Variants in POLD3 observed in about 807,000 individuals in gnomAD.
POLD3 encodes DNA polymerase delta subunit 3.
In POLD3, 19 loss-of-function variants were observed where a neutral mutation model predicts 58.2. That is an observed-to-expected ratio of 0.33 (90% confidence interval 0.23 to 0.48). The LOEUF (loss-of-function observed/expected upper bound fraction) is 0.48. Among genes scored for constraint, POLD3 ranks in the 20% least tolerant of loss-of-function variants. POLD3 has a pLI of 0.99. For synonymous variants in POLD3, 172 were observed against 193.5 expected (o/e 0.89, Z 0.92); for missense variants, 504 against 545.5 (o/e 0.92, Z 0.76).
chr11:74,667,002 A>G (rs77963675), intron 4 of POLD3, among the ~76,000 whole-genome samples: 4,239 of 151,756 alleles, frequency 0.028, 245 homozygotes, highest in African/African-American at 0.097. Context: ...TGGAGCATCA[A>G]TGGGGGAAAG....
chr11:74,622,455 C>T (rs535042376), intron 7 of POLD3, among the ~76,000 whole-genome samples: 8 of 152,040 alleles, frequency 5.3e-5, no homozygotes, highest in East Asian at 1.9e-4. Flanking sequence ...GCATGTAACA[C>T]GGTGAGGGGG....
At chr11:74,652,563 A>G (rs2135194162) in intron 4 of POLD3, 1 of 152,360 alleles carries the variant, frequency 6.6e-6, no homozygotes, top group East Asian at 1.9e-4. Context: ...GAATTGAGGA[A>G]GAAGATGAAG....
intron 11 of POLD3, among the ~76,000 whole-genome samples, chr11:74,636,569 A>C (rs745945405): frequency 6.6e-6 from 1 of 152,210 alleles, no homozygotes; most frequent in African/African-American, 2.4e-5. Context: ...TTTTGCCTAA[A>C]TGTGCAGTTA....
chr11:74,623,407 C>T (rs1297913155), intron 7 of POLD3, among the ~76,000 whole-genome samples: 1 of 152,136 alleles, frequency 6.6e-6, no homozygotes, highest in African/African-American at 2.4e-5. Flanking sequence ...CGCGCTCCAG[C>T]CTGGGCGACA....
At chr11:74,635,860 C>G (rs897797569) in intron 10 of POLD3, among the ~76,000 whole-genome samples, 3 of 152,228 alleles carry the variant, frequency 2.0e-5, no homozygotes, top group Non-Finnish European at 2.9e-5. Context: ...CTTTCCTTCT[C>G]TCTCTCCTCC....
At position 74,623,348 on chromosome 11, in the gene POLD3, T is replaced by C. The variant is rs373753087; in HGVS notation, c.734-2060T>C. Among the ~76,000 whole-genome samples the C allele has an allele frequency of 3.3e-5, 5 of 152,200 alleles. No homozygotes were observed. The East Asian group carries it at 9.7e-4, about 29-fold the overall frequency. On this transcript the variant is annotated intron_variant, in intron 7 of 11. Coordinates refer to ENST00000263681, the MANE Select transcript of POLD3 (RefSeq NM_006591.3). ...TACTCAGGAGGCTGAGGCAGGAGAA[T>C]GGCGTGAACCCAGGAGGCGGAGCTT...
intron 7 of POLD3, among the ~76,000 whole-genome samples, chr11:74,621,583 CAT>C (rs1390957800): frequency 2.2e-4 from 34 of 152,002 alleles, no homozygotes; most frequent in Admixed American, 2.0e-3. Flanking sequence ...TTATTTAAAT[CAT>C]GTGTTTAGTT....
In POLD3 at chr11:74,642,777, G is replaced by A; in HGVS notation, c.*2011G>A. 1.0e-6 allele frequency: 1 copy of A among 985,130 alleles called. No homozygotes were observed. Among genetic ancestry groups the A allele is most frequent in the Non-Finnish European group, 1.2e-6 (1 of 829,692 alleles). The allele number at this position is 985,130 out of a possible 1,614,324, so 61.0% of individuals were successfully genotyped here. On this transcript the variant is annotated 3_prime_UTR_variant, in exon 12 of 12. Transcript: ENST00000263681. ...GTCTCTTATTTGATGGATGGTAACA[G>A]TGTTGCAATTATTTAAGCTCTGAAT...
chr11:74,658,282 A>G (rs569250634), intron 4 of POLD3, among the ~76,000 whole-genome samples: 1 of 152,278 alleles, frequency 6.6e-6, no homozygotes, highest in East Asian at 1.9e-4. Context: ...AGCACAGGAA[A>G]GACTGGCCCC....
chr11:74,624,066 G>A (rs967437038), intron 7 of POLD3, among the ~76,000 whole-genome samples: 1 of 152,036 alleles, frequency 6.6e-6, no homozygotes, highest in African/African-American at 2.4e-5. Context: ...GTATTTGGAG[G>A]TTTTTTTCTC....
intron 2 of POLD3, chr11:74,595,639 C>T (rs1207355481): frequency 1.3e-5 from 2 of 152,182 alleles, no homozygotes; most frequent in African/African-American, 4.8e-5. Context: ...TTGTTTGAGA[C>T]AGGATGTCAC....
intron 7 of POLD3, 25 bp downstream of exon 7, chr11:74,620,114 G>C (rs1312673125): frequency 6.6e-7 from 1 of 1,515,452 alleles, no homozygotes; most frequent in African/African-American, 1.4e-5. Context: ...ACCTCACTTT[G>C]ACTAACGAAT....
chr11:74,630,818 T>C (rs2032568935), intron 9 of POLD3, among the ~76,000 whole-genome samples: 1 of 152,232 alleles, frequency 6.6e-6, no homozygotes, highest in East Asian at 1.9e-4. Context: ...CAGTTCTAAG[T>C]TAAGGAATGA....
Position 74,592,602 on chromosome 11 carries a change from G to C in POLD3, c.-57G>C, listed in dbSNP as rs2031066772. 1.2e-6 allele frequency: 2 copies of C among 1,605,186 alleles called. No homozygotes were observed. Among genetic ancestry groups the C allele is most frequent in the Non-Finnish European group, 1.7e-6 (2 of 1,174,246 alleles). ...GGAGCAAAGACGTTTCCCGCCGGCG[G>C]GAGCTGTGGCTGTGATTGAGAGAGG... On this transcript the variant is annotated 5_prime_UTR_variant, in exon 1 of 12. Coordinates refer to ENST00000263681, the MANE Select transcript of POLD3 (RefSeq NM_006591.3).
At chr11:74,640,463 G>A (rs1024615790) in intron 11 of POLD3, 101 bp from the exon 12 acceptor site, 1 of 1,380,430 alleles carries the variant, frequency 7.2e-7, no homozygotes. Flanking sequence ...TATTTGCCTT[G>A]ATCAGAGTCT....
chr11:74,597,071 A>G (rs898719200), intron 2 of POLD3, among the ~76,000 whole-genome samples: 4 of 152,222 alleles, frequency 2.6e-5, no homozygotes, highest in Non-Finnish European at 5.9e-5. Flanking sequence ...GAGTGCAAAT[A>G]TCTCTGACAT....
intron 4 of POLD3, among the ~76,000 whole-genome samples, chr11:74,655,526 TTATC>T (rs2033122974): frequency 6.6e-6 from 1 of 152,172 alleles, no homozygotes; most frequent in African/African-American, 2.4e-5. Context: ...TTGAAAAACT[TTATC>T]AATCAACTTG....
At chr11:74,645,302 T>C (rs893604084), downstream of POLD3, among the ~76,000 whole-genome samples, 1 of 152,240 alleles carries the variant, frequency 6.6e-6, no homozygotes, top group Non-Finnish European at 1.5e-5. Flanking sequence ...TAAACCATGA[T>C]TTAGTGAATC....
chr11:74,619,035 C>T (rs768377428), intron 6 of POLD3, among the ~76,000 whole-genome samples: 4 of 152,148 alleles, frequency 2.6e-5, no homozygotes, highest in Non-Finnish European at 5.9e-5. Flanking sequence ...ATGGTAATGC[C>T]TACCTTGTGC....
Sources: gnomAD v4.1 joint callset for allele counts (sites outside exome capture counted in the v4.1 genomes callset) on GRCh38, gnomAD v4.1.1 for gene constraint, MANE v1.5 for transcripts, NCBI Gene and HGNC (gene_info 2026-07-23, HGNC 2026-07-21) for gene names.